Variants in AGTPBP1 observed in about 807,000 individuals in gnomAD.
AGTPBP1 encodes the protein cytosolic carboxypeptidase 1.
Under a neutral mutation model 143.9 loss-of-function variants are expected in AGTPBP1, and 70 were observed. The observed-to-expected ratio is 0.49, with a 90% CI of 0.40 to 0.59. AGTPBP1 has a LOEUF of 0.59. Ranked by LOEUF, AGTPBP1 falls within the 20% of genes least tolerant of loss-of-function variation. The pLI is 0.00. For missense variants in AGTPBP1, 1,229 were observed against 1,464.5 expected (o/e 0.84, Z 2.62); for synonymous variants, 463 against 500.2 (o/e 0.93, Z 0.99).
the AGTPBP1 span, among the ~76,000 whole-genome samples, chr9:85,770,889 G>A: frequency 6.6e-5 from 10 of 151,998 alleles, no homozygotes; most frequent in Non-Finnish European, 1.0e-4. Context: ...CAGGGTAGGG[G>A]AATCTGTACT....
intron 6 of AGTPBP1, among the ~76,000 whole-genome samples, chr9:85,674,151 A>C (rs1463928464): frequency 6.6e-6 from 1 of 151,620 alleles, no homozygotes; most frequent in Admixed American, 6.6e-5. Context: ...GACTTAAACA[A>C]AGTAAATAGG....
At chr9:85,721,717 TGTTAGCTG>T (rs750059912) in intron 1 of AGTPBP1, among the ~76,000 whole-genome samples, 1 of 152,198 alleles carries the variant, frequency 6.6e-6, no homozygotes, top group Non-Finnish European at 1.5e-5. Context: ...GTCATTATGA[TGTTAGCTG>T]GTTATTTTGC....
At chr9:85,589,824 C>G in intron 19 of AGTPBP1, 143 bp from the exon 20 acceptor site, 1 of 778,390 alleles carries the variant, frequency 1.3e-6, no homozygotes, top group Non-Finnish European at 2.0e-6. Flanking sequence ...CCAGATGTAG[C>G]CTAAACATCA....
chr9:85,671,346 CT>C lies in AGTPBP1; in HGVS notation c.568+1203del, dbSNP rs1564127618. 8.6e-5 allele frequency among the ~76,000 whole-genome samples: 13 copies of C among 152,032 alleles called. No individual in the cohort carries two copies. The South Asian group carries it at 2.7e-3, about 32-fold the overall frequency. The stretch of plus-strand genomic sequence containing the variant: ...TTACCTTTACTATTTCATTTCTTGA[CT>C]TTACTGGTGTTTATTTCTCTGTTCT... On this transcript the variant is annotated intron_variant, in intron 7 of 25. Transcript: ENST00000357081.
chr9:85,599,753 A>G (rs1008562419), intron 17 of AGTPBP1, among the ~76,000 whole-genome samples: 2 of 152,246 alleles, frequency 1.3e-5, no homozygotes, highest in Admixed American at 1.3e-4. Context: ...AAACGCTGAC[A>G]TGCAGTTTGT....
intron 3 of AGTPBP1, 69 bp from the exon 4 acceptor site, chr9:85,681,404 T>C: frequency 3.0e-6 from 4 of 1,326,184 alleles, no homozygotes; most frequent in East Asian, 2.4e-5. Context: ...TTGTTGCATA[T>C]AGCTAATAAA....
chr9:85,799,669 C>A, the AGTPBP1 span, among the ~76,000 whole-genome samples: 1 of 152,232 alleles, frequency 6.6e-6, no homozygotes, highest in East Asian at 1.9e-4. Flanking sequence ...GTGTGTACCA[C>A]CAGGCCCAGC....
At chr9:85,702,429 T>A (rs1836722370) in intron 2 of AGTPBP1, among the ~76,000 whole-genome samples, 1 of 152,186 alleles carries the variant, frequency 6.6e-6, no homozygotes, top group Non-Finnish European at 1.5e-5. Flanking sequence ...AATTTAATTG[T>A]CCTTTCTGTG....
intron 23 of AGTPBP1, among the ~76,000 whole-genome samples, chr9:85,582,885 C>A (rs2133133643): frequency 6.6e-6 from 1 of 152,158 alleles, no homozygotes; most frequent in South Asian, 2.1e-4. Flanking sequence ...GTCTTAATCA[C>A]CAGAATCTAG....
intron 25 of AGTPBP1, among the ~76,000 whole-genome samples, chr9:85,548,767 C>T (rs370310404): frequency 6.6e-6 from 1 of 151,626 alleles, no homozygotes; most frequent in Non-Finnish European, 1.5e-5. Flanking sequence ...CCTCTGCCTC[C>T]GGGTTCAAGC....
At chr9:85,756,306 C>T in the AGTPBP1 span, 3 of 1,455,936 alleles carry the variant, frequency 2.1e-6, no homozygotes, top group Non-Finnish European at 2.7e-6. Flanking sequence ...CCACTCCCCA[C>T]TAGGATGGCT....
At chr9:85,781,494 G>A in the AGTPBP1 span, 2 of 1,082,532 alleles carry the variant, frequency 1.8e-6, no homozygotes, top group Non-Finnish European at 2.5e-6. Context: ...ATTTGTCTCT[G>A]TAAACAAAAA....
At chr9:85,648,780 C>T (rs764764569) in intron 11 of AGTPBP1, among the ~76,000 whole-genome samples, 6 of 152,068 alleles carry the variant, frequency 3.9e-5, no homozygotes, top group Non-Finnish European at 7.4e-5. Context: ...CCACTGCACT[C>T]CAGCCTGGGC....
chr9:85,575,397 T>A lies in AGTPBP1; in HGVS notation c.3421A>T (p.Thr1141Ser). Residue 1141 changes from threonine (T) to serine (S), a missense_variant, in exon 25 of 26, where the codon ACC becomes TCC. Around this residue, in one of 2 missense-constraint regions of AGTPBP1, gnomAD observed 486 missense variants for 652.3 expected, o/e 0.75. Transcript: ENST00000357081. Reference protein sequence around the residue: ...CVGLLRLKRLTSPLEYNLPSS... With the variant: ...CVGLLRLKRLSSPLEYNLPSS... ...GGCAGATTATACTCCAATGGAGAGG[T>A]CAGTCTTTTCAAACGTAAAAGACCA... 7 of 1,610,940 alleles carry A rather than the reference T, an allele frequency of 4.3e-6. No homozygotes were observed. The highest frequency in any genetic ancestry group is 5.9e-6 in the Non-Finnish European group (7 of 1,179,190).
chr9:85,688,894 T>C (rs1835664876), intron 3 of AGTPBP1, among the ~76,000 whole-genome samples: 1 of 152,224 alleles, frequency 6.6e-6, no homozygotes, highest in Non-Finnish European at 1.5e-5. Context: ...ATTCCATCAA[T>C]ATAGCTACTG....
chr9:85,653,689 C>T (rs1309473235), intron 11 of AGTPBP1, among the ~76,000 whole-genome samples: 2 of 152,166 alleles, frequency 1.3e-5, no homozygotes, highest in Non-Finnish European at 2.9e-5. Context: ...CTAATGGCAC[C>T]TCAACTTTAG....
intron 1 of AGTPBP1, among the ~76,000 whole-genome samples, chr9:85,732,809 C>T (rs1360025305): frequency 6.6e-6 from 1 of 151,566 alleles, no homozygotes; most frequent in African/African-American, 2.4e-5. Context: ...CAAATAGTAA[C>T]CAAAAGAGAG....
At chr9:85,633,570 G>A (rs1230798110) in intron 13 of AGTPBP1, among the ~76,000 whole-genome samples, 196 bp from the exon 14 acceptor site, 1 of 152,070 alleles carries the variant, frequency 6.6e-6, no homozygotes, top group East Asian at 1.9e-4. Context: ...ACTTTACTTT[G>A]CCTACATGTC....
intron 1 of AGTPBP1, among the ~76,000 whole-genome samples, chr9:85,735,854 TTTA>T (rs368345753): frequency 5.3e-4 from 80 of 152,210 alleles, no homozygotes; most frequent in African/African-American, 1.8e-3. Flanking sequence ...TCTGGCTGAC[TTTA>T]TTATTGTTTT....
Sources: gnomAD v4.1 joint callset for allele counts (sites outside exome capture counted in the v4.1 genomes callset) on GRCh38, gnomAD v4.1.1 for gene constraint, gnomAD v4.1.1 regional missense constraint, MANE v1.5 for transcripts, NCBI Gene and HGNC (gene_info 2026-07-23, HGNC 2026-07-21) for gene names.